HOMER1: variants seen among roughly 807,000 people sequenced by gnomAD.
The protein encoded by HOMER1 is homer protein homolog 1.
A neutral mutation model predicts 48.9 loss-of-function variants in HOMER1; 3 were observed. The observed-to-expected ratio is 0.06, with a 90% CI of 0.03 to 0.16. The LOEUF is 0.16. HOMER1 is among the 10% of genes least tolerant of loss of function. The pLI is 1.00. For synonymous variants in HOMER1, 134 were observed against 146.4 expected (o/e 0.92, Z 0.61); for missense variants, 247 against 411.4 (o/e 0.60, Z 3.46).
chr5:79,506,055 A>G (rs1752756358), intron 1 of HOMER1, among the ~76,000 whole-genome samples: 1 of 152,122 alleles, frequency 6.6e-6, no homozygotes, highest in African/African-American at 2.4e-5. Flanking sequence ...AAAAAATTAA[A>G]TTAATTCTAA....
chr5:79,433,500 G>C (rs1750481079), intron 5 of HOMER1, among the ~76,000 whole-genome samples: 1 of 152,124 alleles, frequency 6.6e-6, no homozygotes, highest in African/African-American at 2.4e-5. Flanking sequence ...CCCGGGAGGT[G>C]GAGGTCGCAG....
At chr5:79,390,694 A>C (rs1284871584) in intron 8 of HOMER1, among the ~76,000 whole-genome samples, 4 of 152,214 alleles carry the variant, frequency 2.6e-5, no homozygotes, top group Non-Finnish European at 5.9e-5. Flanking sequence ...CCGAAAAAGC[A>C]GCAGTAAATT....
intron 1 of HOMER1, among the ~76,000 whole-genome samples, chr5:79,472,543 G>C (rs1011016553): frequency 6.6e-6 from 1 of 152,022 alleles, no homozygotes; most frequent in African/African-American, 2.4e-5. Context: ...GGGAGGCTGA[G>C]GTAGGAGAAT....
chr5:79,470,559 G>A (rs999335606), intron 1 of HOMER1, among the ~76,000 whole-genome samples: 2 of 152,130 alleles, frequency 1.3e-5, no homozygotes, highest in Admixed American at 1.3e-4. Flanking sequence ...TATAAGCCTA[G>A]TTTCTAATGC....
chr5:79,416,616 GTAACATCTGC>G (rs1279640993), intron 5 of HOMER1, among the ~76,000 whole-genome samples: 3 of 152,198 alleles, frequency 2.0e-5, no homozygotes, highest in African/African-American at 7.2e-5. Context: ...GCTCCACACT[GTAACATCTGC>G]TAACATCTGT....
chr5:79,406,530 G>A (rs548399064), intron 5 of HOMER1, among the ~76,000 whole-genome samples: 17 of 152,204 alleles, frequency 1.1e-4, no homozygotes, highest in Non-Finnish European at 2.2e-4. Flanking sequence ...GGCAGAGAGA[G>A]AGACTAGAGA....
chr5:79,398,512 C>T (rs1749452646), intron 6 of HOMER1, among the ~76,000 whole-genome samples: 1 of 152,110 alleles, frequency 6.6e-6, no homozygotes, highest in African/African-American at 2.4e-5. Context: ...TAATTTTCTT[C>T]CTTTCTTCTC....
intron 1 of HOMER1, among the ~76,000 whole-genome samples, chr5:79,467,391 CAAAAAAA>C (rs71767032): frequency 3.9e-5 from 2 of 51,636 alleles, no homozygotes; most frequent in Non-Finnish European, 7.6e-5. Context: ...AACTCCATCT[CAAAAAAA>C]AAAAAAAAAA....
intron 1 of HOMER1, among the ~76,000 whole-genome samples, chr5:79,464,600 T>C (rs77345357): frequency 1.9e-4 from 29 of 152,310 alleles, no homozygotes; most frequent in Non-Finnish European, 3.1e-4. Flanking sequence ...TACAACTTAA[T>C]AATATAAATT....
At chr5:79,425,135 T>C (rs892412841) in intron 5 of HOMER1, among the ~76,000 whole-genome samples, 5 of 151,984 alleles carry the variant, frequency 3.3e-5, no homozygotes, top group African/African-American at 1.2e-4. Context: ...TCTTGTCAAT[T>C]AGGAAAAATT....
intron 1 of HOMER1, among the ~76,000 whole-genome samples, chr5:79,466,446 T>G (rs10474005): frequency 6.6e-6 from 1 of 151,832 alleles, no homozygotes; most frequent in Non-Finnish European, 1.5e-5. Flanking sequence ...TGCAGTGAGC[T>G]GAGATCGTGC....
rs1748750164 is a variant in HOMER1 at position 79,375,594 on chromosome 5, A to G, written c.*415T>C. The G allele has an allele frequency of 6.5e-6, 1 of 152,804 alleles. No individual in the cohort carries two copies. The highest frequency in any genetic ancestry group is 2.4e-5 in the African/African-American group (1 of 41,482). 9.5% of individuals were successfully genotyped at this position (152,804 alleles called of 1,614,324 possible). On this transcript the variant is annotated 3_prime_UTR_variant, in exon 9 of 9. Coordinates refer to ENST00000334082, the MANE Select transcript of HOMER1 (RefSeq NM_004272.5). ...GCTTTCATCACTAAGTTTTTGCACAAAACACAGCTCTAGATATCGTAAATA... is the reference window on the plus strand; with the variant it reads ...GCTTTCATCACTAAGTTTTTGCACAGAACACAGCTCTAGATATCGTAAATA...
intron 2 of HOMER1, among the ~76,000 whole-genome samples, chr5:79,451,733 C>T (rs1238340831): frequency 6.6e-6 from 1 of 151,532 alleles, no homozygotes; most frequent in Non-Finnish European, 1.5e-5. Context: ...GCCCTACTAA[C>T]TTTTTTGTAT....
intron 1 of HOMER1, among the ~76,000 whole-genome samples, chr5:79,471,813 G>A (rs1464802905): frequency 6.6e-6 from 1 of 152,148 alleles, no homozygotes; most frequent in African/African-American, 2.4e-5. Flanking sequence ...CCTTCCTGAT[G>A]TTTCTCAAAC....
intron 4 of HOMER1, among the ~76,000 whole-genome samples, chr5:79,439,501 T>A (rs1483125794): frequency 1.3e-5 from 2 of 152,020 alleles, no homozygotes; most frequent in East Asian, 3.9e-4. Context: ...TTACTATACT[T>A]CAGAAGAAAA....
intron 4 of HOMER1, among the ~76,000 whole-genome samples, chr5:79,440,035 T>C (rs138801108): frequency 1.3e-5 from 2 of 152,000 alleles, no homozygotes; most frequent in East Asian, 3.9e-4. Flanking sequence ...TTATGATCCC[T>C]GGGCAAAAAA....
Position 79,396,808 on chromosome 5 carries a change from T to C in HOMER1, c.876+15A>G. On this transcript the variant is annotated intron_variant, in intron 8 of 8. Coordinates refer to ENST00000334082, the MANE Select transcript of HOMER1 (RefSeq NM_004272.5). Reference sequence around the variant, plus strand: ...TTCTATGCAGAAGTGAATAACAATTTTTACTACAGCTCACCTGTAGTTTCT... The same window carrying C: ...TTCTATGCAGAAGTGAATAACAATTCTTACTACAGCTCACCTGTAGTTTCT... 4 of 1,510,550 alleles carry C rather than the reference T, an allele frequency of 2.6e-6. No homozygotes were observed. Among genetic ancestry groups the C allele is most frequent in the Non-Finnish European group, 2.7e-6 (3 of 1,091,440 alleles). The allele number at this position is 1,510,550 out of a possible 1,614,324, so 93.6% of individuals were successfully genotyped here. A position where few individuals can be genotyped will look rare whatever the true frequency, so the allele number is the denominator to read the frequency against.
chr5:79,395,245 C>T (rs768058635), intron 8 of HOMER1, among the ~76,000 whole-genome samples: 53 of 152,232 alleles, frequency 3.5e-4, no homozygotes, highest in African/African-American at 1.1e-3. Flanking sequence ...CCAAAACAAA[C>T]GAAAGACAAA....
intron 1 of HOMER1, among the ~76,000 whole-genome samples, chr5:79,500,833 C>T (rs567824157): frequency 1.3e-5 from 2 of 151,954 alleles, no homozygotes; most frequent in South Asian, 2.1e-4. Flanking sequence ...CCATGTTGGC[C>T]AGGCTGGTCT....
Sources: allele counts gnomAD v4.1 joint callset (sites outside exome capture counted in the v4.1 genomes callset), GRCh38; gene constraint gnomAD v4.1.1; transcripts MANE v1.5; gene names NCBI Gene and HGNC (gene_info 2026-07-23, HGNC 2026-07-21).